BTBD9: variants seen among roughly 807,000 people sequenced by gnomAD.
The protein encoded by BTBD9 is BTB/POZ domain-containing protein 9.
In BTBD9, 49 loss-of-function variants were observed where a neutral mutation model predicts 64.3. The ratio of observed to expected loss-of-function variants is 0.76; its 90% CI spans 0.61 to 0.97. BTBD9 has a LOEUF of 0.97. BTBD9 is among the 50% of genes least tolerant of loss of function. BTBD9 has a pLI of 0.00. For synonymous variants in BTBD9, 260 were observed against 274.7 expected (o/e 0.95, Z 0.53); for missense variants, 598 against 762.1 (o/e 0.78, Z 2.53).
At chr6:38,320,024 G>A (rs542847883) in intron 7 of BTBD9, among the ~76,000 whole-genome samples, 3 of 152,160 alleles carry the variant, frequency 2.0e-5, no homozygotes, top group Non-Finnish European at 4.4e-5. Flanking sequence ...CTCCCTCCAC[G>A]GGCATTGGCT....
At chr6:38,311,446 T>C (rs1762831042) in intron 7 of BTBD9, among the ~76,000 whole-genome samples, 1 of 152,240 alleles carries the variant, frequency 6.6e-6, no homozygotes, top group African/African-American at 2.4e-5. Flanking sequence ...CTCCATTGTG[T>C]GTATGTACCA....
intron 8 of BTBD9, among the ~76,000 whole-genome samples, chr6:38,266,614 GA>G (rs1185963975): frequency 2.0e-4 from 2 of 9,854 alleles, no homozygotes; most frequent in East Asian, 1.4e-3. Context: ...AGGAAAGAAA[GA>G]AAGAAAGAAA....
chr6:38,453,767 A>T (rs1363869262), intron 6 of BTBD9, among the ~76,000 whole-genome samples: 1 of 152,186 alleles, frequency 6.6e-6, no homozygotes, highest in African/African-American at 2.4e-5. Flanking sequence ...TGGAGAGAGA[A>T]GATGATAAAG....
Position 38,592,854 on chromosome 6 carries a change from A to C in BTBD9, c.550-14T>G. Reference sequence around the variant, plus strand: ...TAAAAGTGCTGTCTGAAAAGGATAAAAAGGTAAAATTCCAGTTATATGAAG... The same window carrying C: ...TAAAAGTGCTGTCTGAAAAGGATAACAAGGTAAAATTCCAGTTATATGAAG... On this transcript the variant is annotated splice_polypyrimidine_tract_variant and intron_variant, in intron 3 of 10. Coordinates refer to ENST00000481247, the MANE Select transcript of BTBD9 (RefSeq NM_001099272.2). 6.2e-7 allele frequency: 1 copy of C among 1,612,230 alleles called. No individual in the cohort carries two copies.
intron 6 of BTBD9, among the ~76,000 whole-genome samples, chr6:38,573,784 T>C (rs570469547): frequency 3.3e-4 from 51 of 152,252 alleles, no homozygotes; most frequent in African/African-American, 9.4e-4. Flanking sequence ...TGTTGAGGAA[T>C]AGCTCAAAAT....
chr6:38,588,287 A>T, intron 4 of BTBD9: 1 of 1,129,164 alleles, frequency 8.9e-7, no homozygotes, highest in Non-Finnish European at 1.4e-6. Context: ...GCTGCCACAC[A>T]GTACCAGGCA....
In BTBD9 at chr6:38,543,273, C is replaced by T. The variant is rs552537972; in HGVS notation, c.1154+34327G>A. The stretch of plus-strand genomic sequence containing the variant: ...CTTCCCCACCCAAGCCTATAACCCA[C>T]CCTCACCACGTTCACTTTCTACCAC... On this transcript the variant is annotated intron_variant, in intron 6 of 10. Transcript: ENST00000481247. Among the ~76,000 whole-genome samples, 3 of 152,324 alleles carry T rather than the reference C, an allele frequency of 2.0e-5. No homozygotes were observed. The South Asian group carries it at 6.2e-4, about 32-fold the overall frequency.
At chr6:38,291,622 T>C (rs1265008698) in intron 7 of BTBD9, among the ~76,000 whole-genome samples, 1 of 152,194 alleles carries the variant, frequency 6.6e-6, no homozygotes, top group Non-Finnish European at 1.5e-5. Context: ...TGATATTGGC[T>C]GTGGGTTTGT....
intron 6 of BTBD9, among the ~76,000 whole-genome samples, chr6:38,486,665 A>G (rs2127386720): frequency 6.6e-6 from 1 of 152,354 alleles, no homozygotes; most frequent in African/African-American, 2.4e-5. Context: ...TTACAATAGT[A>G]ACATCAAAAA....
At chr6:38,382,186 C>G (rs979571334) in intron 6 of BTBD9, among the ~76,000 whole-genome samples, 1 of 152,202 alleles carries the variant, frequency 6.6e-6, no homozygotes. Context: ...CTATCTCCCA[C>G]AACACCTTAG....
chr6:38,587,770 C>T (rs1432581045), intron 4 of BTBD9: 1 of 703,958 alleles, frequency 1.4e-6, no homozygotes, highest in Non-Finnish European at 2.7e-6. Flanking sequence ...GGAAGAAAAG[C>T]CTGCTTCTTC....
intron 8 of BTBD9, among the ~76,000 whole-genome samples, chr6:38,275,866 G>A (rs1033808169): frequency 2.6e-5 from 4 of 151,990 alleles, no homozygotes; most frequent in Admixed American, 6.6e-5. Context: ...TGGAGAGGAT[G>A]TGGAGAAATA....
chr6:38,568,694 A>G (rs1273707608), intron 6 of BTBD9, among the ~76,000 whole-genome samples: 1 of 152,240 alleles, frequency 6.6e-6, no homozygotes, highest in Non-Finnish European at 1.5e-5. Context: ...CACATGCAGC[A>G]TGTACCCAAC....
chr6:38,280,908 T>C lies in BTBD9; in HGVS notation c.1454+7364A>G, dbSNP rs538848486. Among the ~76,000 whole-genome samples, 11 of 152,370 alleles carry C rather than the reference T, an allele frequency of 7.2e-5. No homozygotes were observed. In the South Asian group the frequency reaches 2.3e-3, roughly 32 times the overall value. ...TGTCAGTTTAGTCAATGAGTGTTTA[T>C]TGAGTACTCACAGCACAGAGAAGCA... On this transcript the variant is annotated intron_variant, in intron 8 of 10. Transcript: ENST00000481247.
At chr6:38,339,767 T>C (rs1438160255) in intron 7 of BTBD9, among the ~76,000 whole-genome samples, 1 of 152,200 alleles carries the variant, frequency 6.6e-6, no homozygotes. Context: ...TTCACATAGT[T>C]AGGAAACAAA....
intron 1 of BTBD9, among the ~76,000 whole-genome samples, chr6:38,632,613 C>A (rs1450544665): frequency 6.6e-6 from 1 of 152,054 alleles, no homozygotes; most frequent in African/African-American, 2.4e-5. Flanking sequence ...TACAGTTCCT[C>A]CTCTAGAAAA....
intron 6 of BTBD9, among the ~76,000 whole-genome samples, chr6:38,519,598 G>A (rs1773195157): frequency 6.6e-6 from 1 of 152,176 alleles, no homozygotes; most frequent in Non-Finnish European, 1.5e-5. Context: ...GGGTGTGGGA[G>A]GAACTCAAGC....
intron 6 of BTBD9, among the ~76,000 whole-genome samples, chr6:38,439,561 G>A (rs1768928611): frequency 6.6e-6 from 1 of 151,862 alleles, no homozygotes; most frequent in Non-Finnish European, 1.5e-5. Context: ...CGAGTAGCTG[G>A]GATTACAGGT....
chr6:38,467,438 C>A (rs1234487034), intron 6 of BTBD9, among the ~76,000 whole-genome samples: 3 of 152,272 alleles, frequency 2.0e-5, no homozygotes, highest in Non-Finnish European at 4.4e-5. Context: ...ATTACCTCCC[C>A]CCATATTAGG....
Sources: gnomAD v4.1 joint callset for allele counts (sites outside exome capture counted in the v4.1 genomes callset) on GRCh38, gnomAD v4.1.1 for gene constraint, MANE v1.5 for transcripts, NCBI Gene and HGNC (gene_info 2026-07-23, HGNC 2026-07-21) for gene names.